The following WWTR1 variants were observed in gnomAD, a reference collection of about 807,000 sequenced individuals.
The protein encoded by WWTR1 is WW domain containing transcription regulator 1.
In WWTR1, 13 loss-of-function variants were observed where a neutral mutation model predicts 40.1. That is an observed-to-expected ratio of 0.32 (90% confidence interval 0.21 to 0.52). The LOEUF (loss-of-function observed/expected upper bound fraction) is 0.52, where lower values mean the gene tolerates loss of function less well. Ranked by LOEUF, WWTR1 falls within the 20% of genes least tolerant of loss-of-function variation. The probability of loss-of-function intolerance (pLI) is 0.97; values close to 1 mark genes in which losing one functional copy is unlikely to be tolerated. For synonymous variants in WWTR1, 230 were observed against 210.1 expected (o/e 1.09, Z -0.82); for missense variants, 436 against 523.1 (o/e 0.83, Z 1.63).
intron 4 of WWTR1, among the ~76,000 whole-genome samples, chr3:149,718,461 G>T (rs1488191233): frequency 1.3e-5 from 2 of 152,148 alleles, no homozygotes; most frequent in East Asian, 3.8e-4. Flanking sequence ...TTTACCCAAA[G>T]TTTATTATGG....
intron 1 of WWTR1, among the ~76,000 whole-genome samples, chr3:149,685,311 C>G (rs75466724): frequency 0.014 from 2,102 of 152,260 alleles, 32 homozygotes; most frequent in East Asian, 0.063. Flanking sequence ...GCTGGGATAA[C>G]TATAAGATCA....
At chr3:149,636,169 G>A (rs1257402429) in intron 2 of WWTR1, among the ~76,000 whole-genome samples, 2 of 152,206 alleles carry the variant, frequency 1.3e-5, no homozygotes, top group Non-Finnish European at 2.9e-5. Flanking sequence ...CAACACCACT[G>A]AAAATGAACT....
chr3:149,664,698 C>T (rs1461011722), intron 2 of WWTR1, among the ~76,000 whole-genome samples: 4 of 151,724 alleles, frequency 2.6e-5, no homozygotes, highest in African/African-American at 9.7e-5. Flanking sequence ...AAACGATTCT[C>T]CTGCCTCAGC....
chr3:149,621,471 C>T (rs1740267300), intron 2 of WWTR1, among the ~76,000 whole-genome samples: 1 of 152,136 alleles, frequency 6.6e-6, no homozygotes, highest in Non-Finnish European at 1.5e-5. Flanking sequence ...ACCACAGTAG[C>T]TTGTTGTATA....
intron 3 of WWTR1, among the ~76,000 whole-genome samples, chr3:149,552,374 T>C (rs1048765551): frequency 6.6e-6 from 1 of 152,188 alleles, no homozygotes; most frequent in African/African-American, 2.4e-5. Flanking sequence ...AGGTTAGAAA[T>C]TGGTAACAAA....
At chr3:149,630,182 C>T (rs532597234) in intron 2 of WWTR1, among the ~76,000 whole-genome samples, 5 of 152,166 alleles carry the variant, frequency 3.3e-5, no homozygotes, top group South Asian at 2.1e-4. Flanking sequence ...ATCTTCGGTG[C>T]GTTTTTTTCT....
intron 3 of WWTR1, among the ~76,000 whole-genome samples, chr3:149,562,098 C>T (rs958482582): frequency 2.6e-5 from 4 of 152,050 alleles, no homozygotes; most frequent in African/African-American, 7.2e-5. Context: ...AGTTCAAGAC[C>T]GGCCTCGCCA....
At chr3:149,627,268 T>A (rs1740600447) in intron 2 of WWTR1, among the ~76,000 whole-genome samples, 1 of 152,202 alleles carries the variant, frequency 6.6e-6, no homozygotes, top group Admixed American at 6.5e-5. Flanking sequence ...ACCCATGATC[T>A]ATTCCCCTTC....
chr3:149,569,711 T>C (rs961351894), intron 3 of WWTR1, among the ~76,000 whole-genome samples: 1 of 152,266 alleles, frequency 6.6e-6, no homozygotes, highest in Admixed American at 6.5e-5. Context: ...TTCACATGTA[T>C]ATAAATGCCT....
At chr3:149,628,096 C>T (rs534708638) in intron 2 of WWTR1, among the ~76,000 whole-genome samples, 1 of 145,470 alleles carries the variant, frequency 6.9e-6, no homozygotes, top group Non-Finnish European at 1.5e-5. Flanking sequence ...AAAAGCCAGG[C>T]GAGGTGGCTC....
At chr3:149,640,927 T>C (rs1003117602) in intron 2 of WWTR1, among the ~76,000 whole-genome samples, 7 of 152,360 alleles carry the variant, frequency 4.6e-5, no homozygotes, top group Admixed American at 4.6e-4. Context: ...ATGGCCTAGA[T>C]CTGGACATAT....
At chr3:149,653,883 AAAACT>A (rs559534126) in intron 2 of WWTR1, among the ~76,000 whole-genome samples, 123 of 152,306 alleles carry the variant, frequency 8.1e-4, no homozygotes, top group African/African-American at 2.8e-3. Flanking sequence ...TTTCTAGTCA[AAAACT>A]AAACTAAACA....
chr3:149,572,397 A>G (rs1249108818), intron 3 of WWTR1, among the ~76,000 whole-genome samples: 1 of 152,202 alleles, frequency 6.6e-6, no homozygotes, highest in Non-Finnish European at 1.5e-5. Context: ...TATGTGTCCT[A>G]CTTGCCTCAG....
chr3:149,653,573 AT>A (rs1165987398), intron 2 of WWTR1, among the ~76,000 whole-genome samples: 1 of 152,232 alleles, frequency 6.6e-6, no homozygotes, highest in Non-Finnish European at 1.5e-5. Flanking sequence ...AAAGCTGTGA[AT>A]GCTCAGGAAA....
chr3:149,576,743 C>G (rs1737898870), intron 2 of WWTR1, among the ~76,000 whole-genome samples: 1 of 151,826 alleles, frequency 6.6e-6, no homozygotes, highest in Admixed American at 6.6e-5. Context: ...ATAACAGGCT[C>G]ACTGGTAATT....
intron 2 of WWTR1, chr3:149,650,229 C>T (rs1202114177): frequency 5.9e-5 from 9 of 152,294 alleles, no homozygotes; most frequent in Admixed American, 5.9e-4. Context: ...CACTCCACCA[C>T]CACAGTTATG....
intron 2 of WWTR1, among the ~76,000 whole-genome samples, chr3:149,608,534 T>C (rs1158026024): frequency 2.0e-5 from 3 of 152,022 alleles, no homozygotes; most frequent in African/African-American, 7.2e-5. Context: ...TACAGGCATG[T>C]GCCACCACGC....
chr3:149,683,471 A>G (rs1714527388), intron 1 of WWTR1, among the ~76,000 whole-genome samples: 1 of 152,002 alleles, frequency 6.6e-6, no homozygotes, highest in South Asian at 2.1e-4. Flanking sequence ...AAGCGGATGG[A>G]TCACTTGAGG....
chr3:149,585,308 T>C (rs945091559), intron 2 of WWTR1, among the ~76,000 whole-genome samples: 11 of 152,158 alleles, frequency 7.2e-5, no homozygotes, highest in Non-Finnish European at 1.6e-4. Flanking sequence ...AATTTTTTTG[T>C]ATTTTTAGTA....
Sources: gnomAD v4.1 joint callset for allele counts (sites outside exome capture counted in the v4.1 genomes callset) on GRCh38, gnomAD v4.1.1 for gene constraint, MANE v1.5 for transcripts, NCBI Gene and HGNC (gene_info 2026-07-23, HGNC 2026-07-21) for gene names.